The following DAPK1 variants were observed in gnomAD, a reference collection of about 807,000 sequenced individuals.
The protein encoded by DAPK1 is death-associated protein kinase 1.
In DAPK1, 56 loss-of-function variants were observed where a neutral mutation model predicts 144.9. That is an observed-to-expected ratio of 0.39 (90% CI 0.31 to 0.48). The LOEUF is 0.48. Among genes scored for constraint, DAPK1 ranks in the 20% least tolerant of loss-of-function variants. The pLI is 0.95. For missense variants in DAPK1, 1,454 were observed against 1,875.4 expected, an observed-to-expected ratio of 0.78 and a Z score of 4.15; for synonymous variants, 690 against 749.0, an observed-to-expected ratio of 0.92 and a Z score of 1.29.
At chr9:87,556,415 C>T (rs34434438) in intron 2 of DAPK1, among the ~76,000 whole-genome samples, 33,982 of 152,182 alleles carry the variant, frequency 0.22, 4,468 homozygotes, top group Non-Finnish European at 0.31. Flanking sequence ...GCATGCTGCC[C>T]GTCACGGGCA....
intron 3 of DAPK1, among the ~76,000 whole-genome samples, chr9:87,613,985 A>G (rs1829013264): frequency 6.6e-6 from 1 of 152,200 alleles, no homozygotes; most frequent in Admixed American, 6.5e-5. Context: ...GATACCTACT[A>G]TTAGGCAAGA....
intron 2 of DAPK1, chr9:87,553,316 A>G (rs1256523349): frequency 6.6e-6 from 1 of 151,998 alleles, no homozygotes; most frequent in Non-Finnish European, 1.5e-5. Context: ...CATCCTGTGC[A>G]TATGCTTCTT....
chr9:87,590,369 C>CAAAAAAAAAAAAAAAAAAAAAAAAAAAA (rs200588801), intron 2 of DAPK1, among the ~76,000 whole-genome samples: 3 of 85,738 alleles, frequency 3.5e-5, no homozygotes, highest in African/African-American at 1.2e-4. Context: ...TCATTGGCCT[C>CAAAAAAAAAAAAAAAAAAAAAAAAAAAA]AAAAAAAAAA....
intron 3 of DAPK1, among the ~76,000 whole-genome samples, chr9:87,626,851 G>A (rs1012333501): frequency 6.6e-6 from 1 of 152,082 alleles, no homozygotes; most frequent in East Asian, 1.9e-4. Context: ...TTCTTAAAAT[G>A]TACATAAAAC....
chr9:87,636,208 A>G (rs1416539431), intron 3 of DAPK1, among the ~76,000 whole-genome samples: 1 of 152,158 alleles, frequency 6.6e-6, no homozygotes, highest in East Asian at 1.9e-4. Context: ...CTGCTGAGGC[A>G]GGGTCCATGT....
intron 3 of DAPK1, among the ~76,000 whole-genome samples, chr9:87,631,720 C>T (rs1347970294): frequency 2.0e-5 from 3 of 152,210 alleles, no homozygotes; most frequent in Non-Finnish European, 4.4e-5. Flanking sequence ...TAACCAGATT[C>T]TGCTGTTCAG....
At chr9:87,521,590 G>A (rs911296948) in intron 2 of DAPK1, among the ~76,000 whole-genome samples, 1 of 152,226 alleles carries the variant, frequency 6.6e-6, no homozygotes. Context: ...CCTTCCGCTA[G>A]GATGTCAGCA....
intron 2 of DAPK1, 94 bp from the exon 3 acceptor site, chr9:87,604,860 C>G (rs976209957): frequency 1.8e-6 from 2 of 1,109,368 alleles, no homozygotes; most frequent in African/African-American, 3.1e-5. Context: ...TTCCTATTCA[C>G]AGTTCTCTTG....
chr9:87,681,733 A>G (rs1438555116), intron 20 of DAPK1, 107 bp downstream of exon 20: 1 of 715,362 alleles, frequency 1.4e-6, no homozygotes, highest in Non-Finnish European at 2.5e-6. Flanking sequence ...CACTTGGCCT[A>G]TACTGGACCC....
At chr9:87,560,667 CTTTT>C (rs35938750) in intron 2 of DAPK1, among the ~76,000 whole-genome samples, 8 of 133,292 alleles carry the variant, frequency 6.0e-5, no homozygotes, top group African/African-American at 8.6e-5. Flanking sequence ...TCAGAACGTA[CTTTT>C]TTTTTTTTTT....
chr9:87,502,316 A>G (rs1221517140), intron 2 of DAPK1, among the ~76,000 whole-genome samples: 1 of 152,088 alleles, frequency 6.6e-6, no homozygotes, highest in Non-Finnish European at 1.5e-5. Context: ...GGTGGCCTTC[A>G]GTTTTGGCTC....
chr9:87,499,990 A>G (rs560214053), intron 2 of DAPK1, among the ~76,000 whole-genome samples: 1 of 152,322 alleles, frequency 6.6e-6, no homozygotes, highest in East Asian at 1.9e-4. Context: ...TTACATTGTG[A>G]GTGGAGTAGG....
chr9:87,703,739 A>C (rs1484523414), intron 25 of DAPK1, among the ~76,000 whole-genome samples: 1 of 151,644 alleles, frequency 6.6e-6, no homozygotes. Context: ...ACATTAAAAA[A>C]CTCTAGCAAG....
chr9:87,612,311 G>T (rs1187632427), intron 3 of DAPK1, among the ~76,000 whole-genome samples: 1 of 152,188 alleles, frequency 6.6e-6, no homozygotes, highest in African/African-American at 2.4e-5. Context: ...GTTAAGATGA[G>T]GTCATACTGG....
In DAPK1 at chr9:87,650,001, C is replaced by T. The variant is rs199929327; in HGVS notation, c.1509C>T (p.Asn503=). The change falls in exon 16 of 26, where the codon AAC becomes AAT. Residue 503 remains asparagine (N), a synonymous_variant. Transcript: ENST00000408954. ...AAGCCCTTTGTGAAGCCGGCTGTAA[C>T]GTGAACATCAAGAACCGAGAAGGAG... ...VAKALCEAGC[N]VNIKNREGET... The T allele has an allele frequency of 4.9e-5, 79 of 1,614,182 alleles. No homozygotes were observed. Among genetic ancestry groups the T allele is most frequent in the African/African-American group, 9.3e-5 (7 of 75,056 alleles).
chr9:87,508,246 AG>A (rs1281386490), intron 2 of DAPK1, among the ~76,000 whole-genome samples: 2 of 151,962 alleles, frequency 1.3e-5, no homozygotes, highest in African/African-American at 4.8e-5. Context: ...TCCTGACCTC[AG>A]GTGATCTGCC....
At chr9:87,667,563 G>A (rs1299910558) in intron 18 of DAPK1, among the ~76,000 whole-genome samples, 12 of 152,204 alleles carry the variant, frequency 7.9e-5, no homozygotes. Flanking sequence ...GTGTCTGAAT[G>A]GGACCCCAGG....
At chr9:87,593,421 A>G (rs1828208249) in intron 2 of DAPK1, among the ~76,000 whole-genome samples, 1 of 152,208 alleles carries the variant, frequency 6.6e-6, no homozygotes, top group South Asian at 2.1e-4. Flanking sequence ...GAATATTTAG[A>G]CATCTTTCTT....
chr9:87,606,259 C>T (rs527915064), intron 3 of DAPK1, among the ~76,000 whole-genome samples: 8 of 152,154 alleles, frequency 5.3e-5, no homozygotes, highest in South Asian at 2.1e-4. Context: ...CAGGTGCCTG[C>T]GGTCCCCACA....
Sources: gnomAD v4.1 joint callset for allele counts (sites outside exome capture counted in the v4.1 genomes callset) on GRCh38, gnomAD v4.1.1 for gene constraint, MANE v1.5 for transcripts, NCBI Gene and HGNC (gene_info 2026-07-23, HGNC 2026-07-21) for gene names.